SH2B3: variants seen among roughly 807,000 people sequenced by gnomAD.
SH2B3 encodes SH2B adaptor protein 3, also known as SH2B adapter protein 3.
SH2B3 carries 43 observed loss-of-function variants against 51.9 expected under a neutral mutation model. The ratio of observed to expected loss-of-function variants is 0.83; its 90% CI spans 0.65 to 1.07. SH2B3 has a LOEUF of 1.07. Among genes scored for constraint, SH2B3 ranks in the 50% least tolerant of loss-of-function variants. SH2B3 has a pLI of 0.00. For missense variants in SH2B3, 952 were observed against 834.3 expected, an observed-to-expected ratio of 1.14 and a Z score of -1.74; for synonymous variants, 396 against 376.0, an observed-to-expected ratio of 1.05 and a Z score of -0.62.
chr12:111,423,941 C>T (rs992815772), intron 2 of SH2B3, among the ~76,000 whole-genome samples: 1 of 152,110 alleles, frequency 6.6e-6, no homozygotes. Flanking sequence ...GGTGAAACCC[C>T]GTCTCTACTG....
At chr12:111,430,502 G>T (rs1459977528) in intron 2 of SH2B3, among the ~76,000 whole-genome samples, 1 of 152,116 alleles carries the variant, frequency 6.6e-6, no homozygotes, top group Non-Finnish European at 1.5e-5. Context: ...TTGGAAGTTG[G>T]TGTGGTATTT....
rs1479494453 is a variant in SH2B3, at chr12:111,448,409, G to A, written c.*107G>A. The A allele has an allele frequency of 6.5e-6, 6 of 917,178 alleles. No homozygotes were observed. Among genetic ancestry groups the A allele is most frequent in the Non-Finnish European group, 9.9e-6 (6 of 609,052 alleles). The allele number at this position is 917,178 out of a possible 1,614,324, so 56.8% of individuals were successfully genotyped here. A position where few individuals can be genotyped will look rare whatever the true frequency, so the allele number is the denominator to read the frequency against. On this transcript the variant is annotated 3_prime_UTR_variant, in exon 8 of 8. Coordinates refer to ENST00000341259, the MANE Select transcript of SH2B3 (RefSeq NM_005475.3). Reference sequence around the variant, plus strand: ...CCTTCCTTCCAGAGAAAGATTTAAGGGACACTGTTAACTGCTCGTGCCAGT... The same window carrying A: ...CCTTCCTTCCAGAGAAAGATTTAAGAGACACTGTTAACTGCTCGTGCCAGT...
chr12:111,447,669 C>A lies in SH2B3; in HGVS notation c.1250C>A (p.Ser417Ter). Residue 417 changes from serine to a stop codon, truncating the protein, a stop_gained, in exon 7 of 8, where the codon TCG becomes TAG. Transcript: ENST00000341259. LOFTEE classifies it high-confidence loss of function. ...CTCCTCCCACAGCACCTGCGCCTGT[C>A]GCTGACAGAGCGGGGCCAGTGCCGT... ...FQGIAKHLRL[S>*]LTERGQCRVQ... 6.2e-7 allele frequency: 1 copy of A among 1,612,476 alleles called. No homozygotes were observed. Among genetic ancestry groups the A allele is most frequent in the South Asian group, 1.1e-5 (1 of 91,012 alleles).
intron 2 of SH2B3, among the ~76,000 whole-genome samples, chr12:111,426,030 G>T (rs1313301218): frequency 6.6e-6 from 1 of 152,228 alleles, no homozygotes; most frequent in African/African-American, 2.4e-5. Context: ...GGTCTGTCTG[G>T]TGTTTAGGTT....
chr12:111,407,591 G>C lies in SH2B3; in HGVS notation c.-28+1314G>C, dbSNP rs931720184. On this transcript the variant is annotated intron_variant, in intron 1 of 7. Coordinates refer to ENST00000341259, the MANE Select transcript of SH2B3 (RefSeq NM_005475.3). The surrounding 1 kb of genome is among the most constrained non-coding windows in gnomAD (Gnocchi z 4.3). Reference sequence around the variant, plus strand: ...GAGGCCACCTGGGCAGGCTGGGCTCGGAGGATGAGAGCCAGGGCCTACTGG... The same window carrying C: ...GAGGCCACCTGGGCAGGCTGGGCTCCGAGGATGAGAGCCAGGGCCTACTGG... 6.6e-6 allele frequency among the ~76,000 whole-genome samples: 1 copy of C among 152,242 alleles called. No individual in the cohort carries two copies. The highest frequency in any genetic ancestry group is 2.1e-4 in the South Asian group (1 of 4,832).
In SH2B3 at chr12:111,429,329, T is replaced by A. The variant is rs1872275244; in HGVS notation, c.732+10452T>A. 6.6e-6 allele frequency among the ~76,000 whole-genome samples: 1 copy of A among 152,174 alleles called. No individual in the cohort carries two copies. The highest frequency in any genetic ancestry group is 2.4e-5 in the African/African-American group (1 of 41,440). Reference sequence around the variant, plus strand: ...CAGGCATCACTGGCGTTGTCATTTTTATTTATTATTTATTTATTTAGAGAC... The same window carrying A: ...CAGGCATCACTGGCGTTGTCATTTTAATTTATTATTTATTTATTTAGAGAC... On this transcript the variant is annotated intron_variant, in intron 2 of 7. Transcript: ENST00000341259. The surrounding 1 kb of genome is among the most constrained non-coding windows in gnomAD (Gnocchi z 4.4).
At chr12:111,412,340 T>C (rs1870765634) in intron 1 of SH2B3, among the ~76,000 whole-genome samples, 1 of 152,182 alleles carries the variant, frequency 6.6e-6, no homozygotes, top group Admixed American at 6.5e-5. Context: ...CTGACTGCTC[T>C]GGGCTGGCAA....
Position 111,447,477 on chromosome 12 carries a change from T to C in SH2B3, c.1169T>C (p.Leu390Pro), listed in dbSNP as rs749249905. The change falls in exon 6 of 8, where the codon CTG becomes CCG. Residue 390 changes from leucine (L) to proline (P), a missense_variant. Transcript: ENST00000341259. The part of the protein sequence containing the change: ...LQGPDAHGVF[L>P]VRQSETRRGE... ...GGCCCTGATGCTCATGGAGTGTTCC[T>C]GGTGCGGCAGAGCGAGACGCGGCGT... 6.6e-7 allele frequency: 1 copy of C among 1,522,680 alleles called. No individual in the cohort carries two copies. The highest frequency in any genetic ancestry group is 1.8e-5 in the Admixed American group (1 of 55,462). 94.3% of individuals were successfully genotyped at this position (1,522,680 alleles called of 1,614,324 possible).
chr12:111,446,885 C>T (rs750669867), intron 3 of SH2B3, 31 bp downstream of exon 3: 3 of 1,601,866 alleles, frequency 1.9e-6, no homozygotes, highest in South Asian at 2.2e-5. Context: ...CACCCTGGGG[C>T]AATACAAATA....
chr12:111,439,239 T>G (rs1260010151), intron 2 of SH2B3, among the ~76,000 whole-genome samples: 3 of 152,294 alleles, frequency 2.0e-5, no homozygotes, highest in African/African-American at 7.2e-5. Flanking sequence ...AACCTCTGCC[T>G]CCTGGGTTCA....
chr12:111,425,495 G>A (rs1437698579), intron 2 of SH2B3, among the ~76,000 whole-genome samples: 1 of 152,112 alleles, frequency 6.6e-6, no homozygotes, highest in African/African-American at 2.4e-5. Context: ...GCCCTGCAGT[G>A]AGCGTGAACC....
chr12:111,446,783 T>TC lies in SH2B3; in HGVS notation c.765dup (p.Ser256GlnfsTer12), dbSNP rs1457467964. ...AAGGCCCAAGCTACAAGCAGCTTGCTCCAGCATCCAGGAGGTCCGGTGGTG... is the reference window on the plus strand; with the variant it reads ...AAGGCCCAAGCTACAAGCAGCTTGCTCCCAGCATCCAGGAGGTCCGGTGGTG... On this transcript the variant is annotated frameshift_variant, in exon 3 of 8. Transcript: ENST00000341259. LOFTEE classifies it high-confidence loss of function. The TC allele has an allele frequency of 6.4e-7, 1 of 1,557,406 alleles. No individual in the cohort carries two copies. Among genetic ancestry groups the TC allele is most frequent in the Admixed American group, 1.8e-5 (1 of 54,846 alleles).
Position 111,418,908 on chromosome 12 carries a change from C to G in SH2B3, c.732+31C>G. On this transcript the variant is annotated intron_variant, in intron 2 of 7. Coordinates refer to ENST00000341259, the MANE Select transcript of SH2B3 (RefSeq NM_005475.3). The surrounding 1 kb of genome is among the most constrained non-coding windows in gnomAD (Gnocchi z 6.7). Reference sequence around the variant, plus strand: ...TAAGCCCTGCCCGCGGGGTTGCGCACTGCACTGCGCCCTTCGCCTTCACCC... The same window carrying G: ...TAAGCCCTGCCCGCGGGGTTGCGCAGTGCACTGCGCCCTTCGCCTTCACCC... The G allele has an allele frequency of 7.3e-7, 1 of 1,372,026 alleles. No homozygotes were observed. Among genetic ancestry groups the G allele is most frequent in the Non-Finnish European group, 9.3e-7 (1 of 1,071,504 alleles). 85.0% of individuals were successfully genotyped at this position (1,372,026 alleles called of 1,614,324 possible). A position where few individuals can be genotyped will look rare whatever the true frequency, so the allele number is the denominator to read the frequency against.
In SH2B3 at chr12:111,450,965, A is replaced by C. The variant is rs1225416705; in HGVS notation, c.*2663A>C. 2 of 152,660 alleles carry C rather than the reference A, an allele frequency of 1.3e-5. No individual in the cohort carries two copies. Among genetic ancestry groups the C allele is most frequent in the African/African-American group, 4.8e-5 (2 of 41,378 alleles). 9.5% of individuals were successfully genotyped at this position (152,660 alleles called of 1,614,324 possible). On this transcript the variant is annotated 3_prime_UTR_variant, in exon 8 of 8. Coordinates refer to ENST00000341259, the MANE Select transcript of SH2B3 (RefSeq NM_005475.3). The stretch of plus-strand genomic sequence containing the variant: ...CTACCGAGAGCCATGGCTCAACACC[A>C]AACTGGACAGTAGACATCATGATCC...
chr12:111,425,859 G>T (rs1200622488), intron 2 of SH2B3, among the ~76,000 whole-genome samples: 1 of 152,138 alleles, frequency 6.6e-6, no homozygotes, highest in Non-Finnish European at 1.5e-5. Context: ...GTGTTTATGT[G>T]GGGGAAAGGT....
chr12:111,416,332 C>T (rs888055273), intron 1 of SH2B3, among the ~76,000 whole-genome samples: 1 of 152,172 alleles, frequency 6.6e-6, no homozygotes. Context: ...GCATTTTCTA[C>T]GTTCTAGGGC....
Position 111,418,509 on chromosome 12 carries a change from G to C in SH2B3, c.364G>C (p.Glu122Gln). 1 of 1,384,296 alleles carries C rather than the reference G, an allele frequency of 7.2e-7. No homozygotes were observed. The highest frequency in any genetic ancestry group is 1.4e-5 in the South Asian group (1 of 69,296). 85.8% of individuals were successfully genotyped at this position (1,384,296 alleles called of 1,614,324 possible). A position where few individuals can be genotyped will look rare whatever the true frequency, so the allele number is the denominator to read the frequency against. ...APGLPKARSS[E>Q]ELAPPRPPGP... is the part of the protein sequence containing the mutation. ...TGGCCTGCCCAAGGCCCGCAGCTCT[G>C]AGGAGCTGGCCCCGCCGCGGCCGCC... The change falls in exon 2 of 8, where the codon GAG becomes CAG. Residue 122 changes from glutamate to glutamine, a missense_variant. Transcript: ENST00000341259. This position sits in a 1 kb window ranked among gnomAD's most constrained non-coding sequence, Gnocchi z 6.7.
At chr12:111,412,696 A>G (rs2135537384) in intron 1 of SH2B3, among the ~76,000 whole-genome samples, 1 of 152,234 alleles carries the variant, frequency 6.6e-6, no homozygotes, top group East Asian at 1.9e-4. Flanking sequence ...CAGCCTCCTG[A>G]GTAGCTGGGA....
At chr12:111,424,548 C>T (rs1439446850) in intron 2 of SH2B3, among the ~76,000 whole-genome samples, 1 of 152,110 alleles carries the variant, frequency 6.6e-6, no homozygotes, top group Non-Finnish European at 1.5e-5. Flanking sequence ...ATCCAGGGAA[C>T]CAGGGAGGTC....
Sources: allele counts gnomAD v4.1 joint callset (sites outside exome capture counted in the v4.1 genomes callset), GRCh38; gene constraint gnomAD v4.1.1; non-coding constraint Gnocchi (gnomAD v3.1); transcripts MANE v1.5; gene names NCBI Gene and HGNC (gene_info 2026-07-23, HGNC 2026-07-21).